The following PABPC4L variants were observed in gnomAD, a reference collection of about 807,000 sequenced individuals.
PABPC4L encodes the protein polyadenylate-binding protein 4-like.
For missense variants in PABPC4L, 452 were observed against 451.4 expected, an observed-to-expected ratio of 1.00 and a Z score of -0.01; for synonymous variants, 169 against 164.1, an observed-to-expected ratio of 1.03 and a Z score of -0.23.
the PABPC4L span, among the ~76,000 whole-genome samples, chr4:134,098,515 T>C: frequency 6.6e-6 from 1 of 151,738 alleles, no homozygotes; most frequent in Non-Finnish European, 1.5e-5. Context: ...AAGATTTTGG[T>C]TAAATTTTCA....
the PABPC4L span, among the ~76,000 whole-genome samples, chr4:133,949,663 T>C: frequency 2.0e-5 from 3 of 152,176 alleles, no homozygotes; most frequent in African/African-American, 7.2e-5. Context: ...GTCTTCGTGG[T>C]CAGGAGCACT....
the PABPC4L span, among the ~76,000 whole-genome samples, chr4:134,007,986 C>G: frequency 6.6e-6 from 1 of 151,402 alleles, no homozygotes; most frequent in African/African-American, 2.4e-5. Flanking sequence ...GATGTGTAAA[C>G]TATAATGAAA....
At chr4:133,957,802 G>A in the PABPC4L span, among the ~76,000 whole-genome samples, 2 of 152,180 alleles carry the variant, frequency 1.3e-5, no homozygotes, top group East Asian at 3.9e-4. Flanking sequence ...CAAAGCTTGG[G>A]GTTTGCATCT....
chr4:134,011,857 A>G, the PABPC4L span, among the ~76,000 whole-genome samples: 2 of 152,154 alleles, frequency 1.3e-5, no homozygotes, highest in Non-Finnish European at 2.9e-5. Context: ...GCAGGATGGA[A>G]AGCTATTTAC....
At chr4:134,104,280 T>A in the PABPC4L span, among the ~76,000 whole-genome samples, 2 of 151,658 alleles carry the variant, frequency 1.3e-5, no homozygotes, top group Admixed American at 1.3e-4. Context: ...CTTCAAGAAG[T>A]ACCTCCACTT....
At chr4:134,006,929 G>A in the PABPC4L span, among the ~76,000 whole-genome samples, 7 of 151,760 alleles carry the variant, frequency 4.6e-5, no homozygotes, top group African/African-American at 1.5e-4. Context: ...GATACTGCAA[G>A]TTGTGAATAC....
chr4:134,191,781 T>A (rs545928752), downstream of PABPC4L, among the ~76,000 whole-genome samples: 1 of 150,742 alleles, frequency 6.6e-6, no homozygotes, highest in African/African-American at 2.4e-5. Flanking sequence ...AAGAGGAAAA[T>A]TTTCAAATCA....
chr4:134,199,703 G>C lies in PABPC4L; in HGVS notation c.*204C>G. 1.8e-6 allele frequency: 1 copy of C among 567,862 alleles called. No individual in the cohort carries two copies. Among genetic ancestry groups the C allele is most frequent in the East Asian group, 3.1e-5 (1 of 31,990 alleles). The allele number at this position is 567,862 out of a possible 1,614,324, so 35.2% of individuals were successfully genotyped here. A position where few individuals can be genotyped will look rare whatever the true frequency, so the allele number is the denominator to read the frequency against. On this transcript the variant is annotated 3_prime_UTR_variant, in exon 2 of 2. Transcript: ENST00000421491. The stretch of plus-strand genomic sequence containing the variant: ...GTGCAATATTAAAATTAGAAAATGT[G>C]CCTCTGTAAAATGAACTAAGCTCCA...
intron 1 of PABPC4L, 109 bp from the exon 2 acceptor site, chr4:134,201,354 C>A (rs915904273): frequency 1.7e-6 from 2 of 1,169,152 alleles, no homozygotes; most frequent in South Asian, 1.5e-5. Context: ...TCTCCACAGA[C>A]GCCCTGGTCG....
the PABPC4L span, among the ~76,000 whole-genome samples, chr4:133,991,220 C>G: frequency 6.6e-6 from 1 of 152,176 alleles, no homozygotes; most frequent in Non-Finnish European, 1.5e-5. Context: ...GATGTTCTCT[C>G]ACATCCTTCC....
the PABPC4L span, among the ~76,000 whole-genome samples, chr4:134,056,400 G>A: frequency 6.6e-6 from 1 of 151,926 alleles, no homozygotes; most frequent in Non-Finnish European, 1.5e-5. Flanking sequence ...GAAGGGAAAA[G>A]CATTAAATCT....
the PABPC4L span, among the ~76,000 whole-genome samples, chr4:133,994,069 A>G: frequency 6.6e-6 from 1 of 152,168 alleles, no homozygotes; most frequent in African/African-American, 2.4e-5. Flanking sequence ...AGTAAGAGCC[A>G]ATCTTGAGGA....
chr4:134,164,469 T>C, the PABPC4L span, among the ~76,000 whole-genome samples: 3 of 152,032 alleles, frequency 2.0e-5, no homozygotes, highest in Non-Finnish European at 4.4e-5. Context: ...TCGGTAGCAC[T>C]GCTATACATC....
At chr4:134,032,770 A>T in the PABPC4L span, among the ~76,000 whole-genome samples, 57 of 152,016 alleles carry the variant, frequency 3.7e-4, no homozygotes, top group African/African-American at 1.3e-3. Flanking sequence ...AAGTTACAAG[A>T]TTTAAATCTT....
At chr4:133,994,581 G>A in the PABPC4L span, among the ~76,000 whole-genome samples, 5 of 152,022 alleles carry the variant, frequency 3.3e-5, no homozygotes, top group African/African-American at 1.2e-4. Flanking sequence ...GGCCAGTCTT[G>A]ATCACTAATG....
At chr4:134,107,650 T>A in the PABPC4L span, among the ~76,000 whole-genome samples, 1 of 151,592 alleles carries the variant, frequency 6.6e-6, no homozygotes, top group Non-Finnish European at 1.5e-5. Flanking sequence ...TAACTTCTGG[T>A]ATGTAGAAAC....
the PABPC4L span, among the ~76,000 whole-genome samples, chr4:133,969,580 A>G: frequency 6.6e-6 from 1 of 152,310 alleles, no homozygotes; most frequent in East Asian, 1.9e-4. Flanking sequence ...ATATGTAATA[A>G]CCCCAACAAA....
At chr4:133,975,863 G>A in the PABPC4L span, among the ~76,000 whole-genome samples, 1 of 152,084 alleles carries the variant, frequency 6.6e-6, no homozygotes, top group African/African-American at 2.4e-5. Context: ...AAAAATATAA[G>A]AGCATTTGTA....
the PABPC4L span, chr4:133,978,843 A>T: frequency 6.6e-6 from 1 of 152,170 alleles, no homozygotes; most frequent in East Asian, 1.9e-4. Context: ...TTGTGATGTG[A>T]TATCATTCTT....
Sources: allele counts gnomAD v4.1 joint callset (sites outside exome capture counted in the v4.1 genomes callset), GRCh38; gene constraint gnomAD v4.1.1; transcripts MANE v1.5; gene names NCBI Gene and HGNC (gene_info 2026-07-23, HGNC 2026-07-21).